DLG2: variants seen among roughly 807,000 people sequenced by gnomAD.
DLG2 encodes the protein disks large homolog 2.
Under a neutral mutation model 132.5 loss-of-function variants are expected in DLG2, and 45 were observed. That is an observed-to-expected ratio of 0.34 (90% CI 0.27 to 0.44). DLG2 has a LOEUF of 0.44. Ranked by LOEUF, DLG2 falls within the 20% of genes least tolerant of loss-of-function variation. DLG2 has a pLI of 1.00. For missense variants in DLG2, 1,045 were observed against 1,196.9 expected, an observed-to-expected ratio of 0.87 and a Z score of 1.87; for synonymous variants, 424 against 419.6, an observed-to-expected ratio of 1.01 and a Z score of -0.13.
intron 5 of DLG2, among the ~76,000 whole-genome samples, chr11:85,136,554 C>G (rs751141082): frequency 6.6e-6 from 1 of 152,068 alleles, no homozygotes; most frequent in African/African-American, 2.4e-5. Context: ...GATAAAAAGC[C>G]TCAGCCTGCA....
intron 6 of DLG2, among the ~76,000 whole-genome samples, chr11:84,692,423 C>G (rs530915494): frequency 6.6e-6 from 1 of 151,722 alleles, no homozygotes; most frequent in South Asian, 2.1e-4. Flanking sequence ...CTATCCACTT[C>G]GTTGCCTATA....
chr11:85,021,047 C>G, intron 6 of DLG2: 1 of 772,518 alleles, frequency 1.3e-6, no homozygotes, highest in Non-Finnish European at 2.4e-6. Context: ...CAATTTCTTC[C>G]AGGTTTCCCA....
At chr11:84,693,628 TG>T (rs2153729286) in intron 6 of DLG2, among the ~76,000 whole-genome samples, 1 of 151,846 alleles carries the variant, frequency 6.6e-6, no homozygotes, top group East Asian at 1.9e-4. Flanking sequence ...AGAACTCCAT[TG>T]TTTTATACGC....
At chr11:84,545,286 CTGAT>C (rs893017074) in intron 6 of DLG2, 34 of 503,182 alleles carry the variant, frequency 6.8e-5, no homozygotes, top group Non-Finnish European at 1.1e-4. Context: ...AATTTGAAGA[CTGAT>C]TGTTGTAGCT....
At chr11:83,809,396 A>C (rs900503198) in intron 17 of DLG2, among the ~76,000 whole-genome samples, 4 of 152,170 alleles carry the variant, frequency 2.6e-5, no homozygotes, top group African/African-American at 7.2e-5. Context: ...GACAAGCCTC[A>C]AGTTAGGGTT....
intron 3 of DLG2, among the ~76,000 whole-genome samples, chr11:85,287,624 G>A (rs1003552707): frequency 7.9e-5 from 12 of 151,894 alleles, no homozygotes; most frequent in African/African-American, 1.9e-4. Flanking sequence ...CCTATAAGTC[G>A]GTATTTCTAC....
intron 5 of DLG2, among the ~76,000 whole-genome samples, chr11:85,131,536 T>C (rs555398180): frequency 1.3e-5 from 2 of 152,244 alleles, no homozygotes; most frequent in East Asian, 3.9e-4. Flanking sequence ...GATTTACTGA[T>C]TTAACTGGAA....
Position 83,583,192 on chromosome 11 carries a change from CA to C in DLG2, c.1941-41335del, listed in dbSNP as rs201808217. Among the ~76,000 whole-genome samples, 1,263 of 152,248 alleles carry C rather than the reference CA, an allele frequency of 8.3e-3. 3 individuals carry two copies. Among genetic ancestry groups the C allele is most frequent in the Non-Finnish European group, 0.013 (909 of 68,008 alleles). ...TACCATTTGTTCAGCCTTTATTTGG[CA>C]AAAGACAAAAAATATTCTTTGAATG... On this transcript the variant is annotated intron_variant, in intron 19 of 27. Transcript: ENST00000376104.
chr11:84,437,457 G>T (rs541130599), intron 7 of DLG2: 1 of 152,070 alleles, frequency 6.6e-6, no homozygotes, highest in Admixed American at 6.6e-5. Flanking sequence ...ACCAGATAGA[G>T]GCAAACATAG....
intron 3 of DLG2, among the ~76,000 whole-genome samples, chr11:85,310,457 C>G (rs1012811787): frequency 6.6e-6 from 1 of 152,210 alleles, no homozygotes; most frequent in Admixed American, 6.5e-5. Flanking sequence ...ACGCCCCAAT[C>G]CTGACTTATA....
intron 12 of DLG2, among the ~76,000 whole-genome samples, chr11:83,974,731 G>A (rs1193463025): frequency 1.3e-5 from 2 of 151,988 alleles, no homozygotes; most frequent in Non-Finnish European, 2.9e-5. Context: ...ATGGTACAGA[G>A]GCCAAAATAG....
At chr11:84,527,186 A>C (rs187092925) in intron 7 of DLG2, among the ~76,000 whole-genome samples, 23 of 152,342 alleles carry the variant, frequency 1.5e-4, no homozygotes, top group Admixed American at 2.6e-4. Context: ...AATGATGACT[A>C]TGTGGGATGC....
At chr11:83,499,213 T>C (rs2094315669) in intron 21 of DLG2, among the ~76,000 whole-genome samples, 1 of 152,166 alleles carries the variant, frequency 6.6e-6, no homozygotes, top group Non-Finnish European at 1.5e-5. Flanking sequence ...ATGAGGCCAG[T>C]ATTACCTAGA....
intron 7 of DLG2, among the ~76,000 whole-genome samples, chr11:84,342,588 A>G (rs897547996): frequency 2.0e-5 from 3 of 152,196 alleles, no homozygotes; most frequent in African/African-American, 7.2e-5. Context: ...ATATTATAAT[A>G]TCTACCTATT....
intron 12 of DLG2, among the ~76,000 whole-genome samples, chr11:83,969,027 G>A (rs71465569): frequency 0.043 from 6,469 of 152,148 alleles, 199 homozygotes; most frequent in Non-Finnish European, 0.067. Flanking sequence ...ATATATTTTA[G>A]GAGTCCTATG....
Position 85,012,330 on chromosome 11 carries a change from T to G in DLG2, c.357+99331A>C, listed in dbSNP as rs12288244. On this transcript the variant is annotated intron_variant, in intron 6 of 27. Coordinates refer to ENST00000376104, the MANE Select transcript of DLG2 (RefSeq NM_001142699.3). ...TCACGAGGTCAGGAGATCGAGACCATCCTGGCTAACACGGTGAAACCCCAT... is the reference window on the plus strand; with the variant it reads ...TCACGAGGTCAGGAGATCGAGACCAGCCTGGCTAACACGGTGAAACCCCAT... 1.1e-3 allele frequency among the ~76,000 whole-genome samples: 31 copies of G among 29,042 alleles called. 4 individuals are homozygous for G. The highest frequency in any genetic ancestry group is 3.0e-3 in the South Asian group (3 of 1,002). 19.1% of individuals were successfully genotyped at this position (29,042 alleles called of 152,430 possible).
At chr11:85,209,745 A>G (rs997585331) in intron 4 of DLG2, among the ~76,000 whole-genome samples, 4 of 151,624 alleles carry the variant, frequency 2.6e-5, no homozygotes, top group Non-Finnish European at 5.9e-5. Flanking sequence ...CAGCCTAGAA[A>G]GCAGTCTCTT....
At chr11:84,932,813 G>A (rs1040380015) in intron 6 of DLG2, among the ~76,000 whole-genome samples, 3 of 152,002 alleles carry the variant, frequency 2.0e-5, no homozygotes, top group Admixed American at 6.6e-5. Context: ...ATAGTGCTGC[G>A]ATAAACATGT....
intron 19 of DLG2, among the ~76,000 whole-genome samples, chr11:83,577,138 C>T (rs1279270247): frequency 1.3e-5 from 2 of 152,042 alleles, no homozygotes; most frequent in African/African-American, 2.4e-5. Flanking sequence ...ACTGGCCTAG[C>T]CTCCCAGCCT....
Sources: gnomAD v4.1 joint callset for allele counts (sites outside exome capture counted in the v4.1 genomes callset) on GRCh38, gnomAD v4.1.1 for gene constraint, MANE v1.5 for transcripts, NCBI Gene and HGNC (gene_info 2026-07-23, HGNC 2026-07-21) for gene names.